Variants in SLC2A12 observed in about 807,000 individuals in gnomAD.
SLC2A12 encodes solute carrier family 2 member 12, also known as solute carrier family 2, facilitated glucose transporter member 12.
SLC2A12 carries 23 observed loss-of-function variants against 41.8 expected under a neutral mutation model. That is an observed-to-expected ratio of 0.55 (90% confidence interval 0.40 to 0.78). The LOEUF (loss-of-function observed/expected upper bound fraction) is 0.78. SLC2A12 is among the 30% of genes least tolerant of loss of function. The pLI is 0.00. For synonymous variants in SLC2A12, 295 were observed against 285.9 expected (o/e 1.03, Z -0.32); for missense variants, 654 against 745.6 (o/e 0.88, Z 1.43).
chr6:134,031,362 A>G (rs1777203854), intron 1 of SLC2A12, among the ~76,000 whole-genome samples: 1 of 152,110 alleles, frequency 6.6e-6, no homozygotes, highest in South Asian at 2.1e-4. Context: ...ACTGCACTCC[A>G]CCCCGGGCAA....
At chr6:134,026,598 T>G (rs1777115157) in intron 2 of SLC2A12, among the ~76,000 whole-genome samples, 1 of 152,202 alleles carries the variant, frequency 6.6e-6, no homozygotes, top group Admixed American at 6.5e-5. Context: ...GAAATCTGTT[T>G]CCGGGAAACT....
chr6:134,028,489 C>G lies in SLC2A12; in HGVS notation c.1336G>C (p.Glu446Gln). ...CCAGGGTCTGTGACTATCTGGTATT[C>G]AGTGTGGCTTAATCCAGCATTTAGC... ...SLLNAGLSHT[E>Q]YQIVTDPGDV... The change falls in exon 2 of 5, where the codon GAA becomes CAA. Residue 446 changes from glutamate to glutamine, a missense_variant. Physicochemically the swap from Glu to Gln is conservative, Grantham distance 29 (BLOSUM62 2). Transcript: ENST00000275230. The G allele has an allele frequency of 4.3e-6, 7 of 1,614,214 alleles. No individual in the cohort carries two copies. The highest frequency in any genetic ancestry group is 5.1e-6 in the Non-Finnish European group (6 of 1,180,030).
intron 4 of SLC2A12, among the ~76,000 whole-genome samples, chr6:134,001,664 C>A: frequency 6.7e-6 from 1 of 150,170 alleles, no homozygotes; most frequent in South Asian, 2.1e-4. Context: ...AAAAACATTC[C>A]AATTGTAAAG....
chr6:134,035,175 CTG>C (rs1777279572), intron 1 of SLC2A12, among the ~76,000 whole-genome samples: 1 of 119,250 alleles, frequency 8.4e-6, no homozygotes, highest in Non-Finnish European at 1.8e-5. Flanking sequence ...AAAAAAAAAA[CTG>C]TGTGTGCATG....
At chr6:133,998,834 C>A (rs1197770739) in intron 4 of SLC2A12, among the ~76,000 whole-genome samples, 1 of 152,186 alleles carries the variant, frequency 6.6e-6, no homozygotes, top group Non-Finnish European at 1.5e-5. Flanking sequence ...AGCCACTACA[C>A]CCAGCCACAA....
intron 2 of SLC2A12, chr6:134,008,971 CCTT>C (rs1451240998): frequency 6.6e-6 from 1 of 152,316 alleles, no homozygotes; most frequent in Non-Finnish European, 1.5e-5. Flanking sequence ...TTTCAAACCT[CCTT>C]CTTCCCCTCC....
At chr6:134,012,161 T>C (rs1050781601) in intron 2 of SLC2A12, among the ~76,000 whole-genome samples, 1 of 152,252 alleles carries the variant, frequency 6.6e-6, no homozygotes, top group African/African-American at 2.4e-5. Context: ...CCCTGAGTCA[T>C]ATCCACTCAT....
chr6:134,008,911 G>A (rs1474060965), intron 2 of SLC2A12: 2 of 152,148 alleles, frequency 1.3e-5, no homozygotes, highest in African/African-American at 4.8e-5. Flanking sequence ...TTTTAGTAGA[G>A]GAGATAGCTC....
rs748170969 is a variant in SLC2A12 at position 133,991,104 on chromosome 6, C to T, written c.*51G>A. The stretch of plus-strand genomic sequence containing the variant: ...TCGCAACTATGCATTGGTCCAAAGA[C>T]ACCCTCCTAAGTGTTCTGGCACTAT... On this transcript the variant is annotated 3_prime_UTR_variant, in exon 5 of 5. Coordinates refer to ENST00000275230, the MANE Select transcript of SLC2A12 (RefSeq NM_145176.3). 5.1e-6 allele frequency: 8 copies of T among 1,561,662 alleles called. No homozygotes were observed. Among genetic ancestry groups the T allele is most frequent in the Non-Finnish European group, 6.0e-6 (7 of 1,157,400 alleles).
At chr6:134,027,813 G>A (rs528855857) in intron 2 of SLC2A12, among the ~76,000 whole-genome samples, 3 of 152,300 alleles carry the variant, frequency 2.0e-5, no homozygotes, top group Admixed American at 6.5e-5. Context: ...TTGAATGATA[G>A]CAACTAGACT....
At chr6:134,032,920 G>T (rs1426507461) in intron 1 of SLC2A12, among the ~76,000 whole-genome samples, 1 of 148,494 alleles carries the variant, frequency 6.7e-6, no homozygotes, top group Non-Finnish European at 1.5e-5. Flanking sequence ...GAACACAGAT[G>T]TTTGTTATAT....
At chr6:134,023,564 A>C (rs1033495832) in intron 2 of SLC2A12, among the ~76,000 whole-genome samples, 2 of 152,222 alleles carry the variant, frequency 1.3e-5, no homozygotes, top group African/African-American at 4.8e-5. Flanking sequence ...GGAACTGGAA[A>C]TAAGCGAGAG....
At position 134,029,600 on chromosome 6, in the gene SLC2A12, G is replaced by A. The variant is rs778148024; in HGVS notation, c.225C>T (p.Ser75=). Residue 75 remains serine, a synonymous_variant, in exon 2 of 5, where the codon AGC becomes AGT. Transcript: ENST00000275230. The part of the protein sequence containing the change: ...LLQIKTLLAL[S]CHEQEMVVSS... ...TCACAACCATTTCCTGCTCATGGCA[G>A]CTCAGGGCTAATAAGGTTTTGATCT... 8 of 1,613,960 alleles carry A rather than the reference G, an allele frequency of 5.0e-6. No homozygotes were observed. The highest frequency in any genetic ancestry group is 6.8e-6 in the Non-Finnish European group (8 of 1,180,028).
At chr6:134,004,250 C>A (rs1161211575) in intron 3 of SLC2A12, among the ~76,000 whole-genome samples, 1 of 151,994 alleles carries the variant, frequency 6.6e-6, no homozygotes, top group African/African-American at 2.4e-5. Flanking sequence ...TACGTGTGTG[C>A]ACATGTGAAG....
chr6:134,014,683 T>G (rs956317674), intron 2 of SLC2A12, among the ~76,000 whole-genome samples: 3 of 152,220 alleles, frequency 2.0e-5, no homozygotes, highest in African/African-American at 7.2e-5. Context: ...ATTAAGATAG[T>G]ATTAAAGCCT....
At chr6:134,046,482 C>G (rs1777455416) in intron 1 of SLC2A12, among the ~76,000 whole-genome samples, 2 of 152,130 alleles carry the variant, frequency 1.3e-5, no homozygotes, top group Non-Finnish European at 2.9e-5. Flanking sequence ...TTATTTTAGT[C>G]TTACTATTAT....
At chr6:133,992,668 G>A (rs1334492708) in intron 4 of SLC2A12, among the ~76,000 whole-genome samples, 1 of 152,134 alleles carries the variant, frequency 6.6e-6, no homozygotes, top group Non-Finnish European at 1.5e-5. Flanking sequence ...AAAGGGAGAA[G>A]GGGAAATGCG....
chr6:134,045,537 T>C (rs1306579186), intron 1 of SLC2A12, among the ~76,000 whole-genome samples: 1 of 152,188 alleles, frequency 6.6e-6, no homozygotes, highest in Non-Finnish European at 1.5e-5. Flanking sequence ...GTGTCCTCAT[T>C]CACAAGATAA....
intron 2 of SLC2A12, among the ~76,000 whole-genome samples, chr6:134,017,670 A>G (rs539546761): frequency 6.6e-6 from 1 of 152,124 alleles, no homozygotes; most frequent in African/African-American, 2.4e-5. Flanking sequence ...GGCGAACACG[A>G]TGAAACCCTG....
Sources: allele counts gnomAD v4.1 joint callset (sites outside exome capture counted in the v4.1 genomes callset), GRCh38; gene constraint gnomAD v4.1.1; transcripts MANE v1.5; gene names NCBI Gene and HGNC (gene_info 2026-07-23, HGNC 2026-07-21).